GAPVD1: variants seen among roughly 807,000 people sequenced by gnomAD.
GAPVD1 encodes the protein GTPase activating protein and VPS9 domains 1.
In GAPVD1, 35 loss-of-function variants were observed where a neutral mutation model predicts 155.5. The ratio of observed to expected loss-of-function variants is 0.23; its 90% CI spans 0.17 to 0.30. The LOEUF (loss-of-function observed/expected upper bound fraction) is 0.30. Among genes scored for constraint, GAPVD1 ranks in the 10% least tolerant of loss-of-function variants. The pLI, the probability that GAPVD1 is intolerant of heterozygous loss-of-function variation, is 1.00. For missense variants in GAPVD1, 1,429 were observed against 1,775.7 expected (o/e 0.80, Z 3.51); for synonymous variants, 636 against 619.7 (o/e 1.03, Z -0.39).
At chr9:125,293,880 A>AAATATATTTTATATATT (rs1564312137) in intron 2 of GAPVD1, among the ~76,000 whole-genome samples, 1 of 20,396 alleles carries the variant, frequency 4.9e-5, no homozygotes, top group African/African-American at 2.1e-4. Flanking sequence ...ATATATATAT[A>AAATATATTTTATATATT]TATATATATA....
intron 9 of GAPVD1, among the ~76,000 whole-genome samples, chr9:125,320,983 T>A (rs1393773835): frequency 6.6e-6 from 1 of 152,220 alleles, no homozygotes; most frequent in African/African-American, 2.4e-5. Context: ...ACAACTGTTT[T>A]ATGTGCATCT....
chr9:125,300,212 C>A (rs10986693), intron 4 of GAPVD1, among the ~76,000 whole-genome samples: 2 of 143,838 alleles, frequency 1.4e-5, no homozygotes, highest in African/African-American at 5.1e-5. Flanking sequence ...GTTGGAGTCT[C>A]GCTCTGTCCC....
intron 2 of GAPVD1, among the ~76,000 whole-genome samples, chr9:125,293,864 A>ATATT (rs1564311241): frequency 6.8e-5 from 1 of 14,728 alleles, no homozygotes; most frequent in Non-Finnish European, 1.0e-4. Context: ...ATATATATAT[A>ATATT]TATATATATA....
Position 125,362,813 on chromosome 9 carries a change from C to T in GAPVD1, c.*67C>T, listed in dbSNP as rs377552358. ...CAAACAGATCTCTGAGAAGGTGCATCAGCTGCTTTGAAGGCTGAAGATTGT... is the reference window on the plus strand; with the variant it reads ...CAAACAGATCTCTGAGAAGGTGCATTAGCTGCTTTGAAGGCTGAAGATTGT... On this transcript the variant is annotated 3_prime_UTR_variant, in exon 28 of 28. Transcript: ENST00000297933. The T allele has an allele frequency of 2.7e-6, 4 of 1,458,498 alleles. No homozygotes were observed. The highest frequency in any genetic ancestry group is 1.4e-5 in the African/African-American group (1 of 71,708). The allele number at this position is 1,458,498 out of a possible 1,614,324, so 90.3% of individuals were successfully genotyped here. A position where few individuals can be genotyped will look rare whatever the true frequency, so the allele number is the denominator to read the frequency against.
chr9:125,319,616 T>C (rs541734283), intron 9 of GAPVD1, among the ~76,000 whole-genome samples: 1 of 150,362 alleles, frequency 6.7e-6, no homozygotes, highest in South Asian at 2.1e-4. Context: ...TTTTTTTTTT[T>C]TTTGAGATGC....
chr9:125,361,473 GAGA>G (rs1850906028), intron 27 of GAPVD1, among the ~76,000 whole-genome samples: 1 of 150,410 alleles, frequency 6.6e-6, no homozygotes, highest in Non-Finnish European at 1.5e-5. Context: ...GTAGTGAGCC[GAGA>G]TCACACTGCT....
At position 125,332,649 on chromosome 9, in the gene GAPVD1, A is replaced by T. The variant is rs1846254796; in HGVS notation, c.2428+20A>T. The T allele has an allele frequency of 6.2e-7, 1 of 1,600,644 alleles. No individual in the cohort carries two copies. Among genetic ancestry groups the T allele is most frequent in the Non-Finnish European group, 8.5e-7 (1 of 1,173,836 alleles). ...CTCACGGTAAGAGGGGGAAATGAGG[A>T]TGACTTAAAAAATGACCACATCCGT... On this transcript the variant is annotated intron_variant, in intron 15 of 27. Coordinates refer to ENST00000297933, the MANE Select transcript of GAPVD1 (RefSeq NM_001282680.3).
At chr9:125,284,122 C>T (rs887218000) in intron 2 of GAPVD1, among the ~76,000 whole-genome samples, 55 of 151,376 alleles carry the variant, frequency 3.6e-4, no homozygotes, top group African/African-American at 1.3e-3. Context: ...GTGATCCACC[C>T]GCCTTGGCCT....
At chr9:125,328,285 G>A (rs1157868152) in intron 12 of GAPVD1, among the ~76,000 whole-genome samples, 1 of 137,952 alleles carries the variant, frequency 7.2e-6, no homozygotes, top group African/African-American at 2.8e-5. Flanking sequence ...ATAGTGGAGG[G>A]AAGGTCAGCA....
At chr9:125,322,465 A>G (rs1844473394) in intron 10 of GAPVD1, among the ~76,000 whole-genome samples, 1 of 152,310 alleles carries the variant, frequency 6.6e-6, no homozygotes, top group African/African-American at 2.4e-5. Flanking sequence ...TTTTCCAAAA[A>G]AATGACATGT....
chr9:125,296,725 G>A (rs1031206514), intron 3 of GAPVD1, among the ~76,000 whole-genome samples: 5 of 146,544 alleles, frequency 3.4e-5, no homozygotes, highest in South Asian at 4.3e-4. Flanking sequence ...GCAGTGGTGC[G>A]ATTTCAGCTC....
chr9:125,290,914 CTGGGGAGGTCAAGGCTGCATTGAGCCG>C (rs1838481173), intron 2 of GAPVD1, among the ~76,000 whole-genome samples: 1 of 150,200 alleles, frequency 6.7e-6, no homozygotes. Context: ...ATTGCTTGAG[CTGGGGAGGTCAAGGCTGCATTGAGCCG>C]TGATCACATT....
chr9:125,262,610 T>G (rs1461628861), intron 1 of GAPVD1, among the ~76,000 whole-genome samples: 1 of 152,056 alleles, frequency 6.6e-6, no homozygotes, highest in African/African-American at 2.4e-5. Context: ...CAGGGAGACA[T>G]AGTGATAGGT....
chr9:125,310,131 T>C (rs1842452092), intron 8 of GAPVD1: 1 of 237,702 alleles, frequency 4.2e-6, no homozygotes, highest in Non-Finnish European at 9.1e-6. Context: ...ATTTGATTGC[T>C]TGCATTTTTA....
chr9:125,303,962 C>T (rs916720202), intron 5 of GAPVD1: 12 of 151,982 alleles, frequency 7.9e-5, no homozygotes, highest in African/African-American at 2.2e-4. Context: ...CATCCTTGCA[C>T]AGGTGCCATG....
intron 19 of GAPVD1, among the ~76,000 whole-genome samples, chr9:125,345,307 A>T (rs1848370186): frequency 6.6e-6 from 1 of 151,516 alleles, no homozygotes; most frequent in East Asian, 1.9e-4. Flanking sequence ...CAGCCTCCCG[A>T]GTAGCTGGGA....
At chr9:125,325,092 G>A (rs919150976) in intron 11 of GAPVD1, among the ~76,000 whole-genome samples, 1 of 152,022 alleles carries the variant, frequency 6.6e-6, no homozygotes, top group African/African-American at 2.4e-5. Flanking sequence ...AGGTGAGGTG[G>A]TGAGCACCTG....
At chr9:125,348,965 C>G (rs188813716) in intron 20 of GAPVD1, among the ~76,000 whole-genome samples, 185 of 152,306 alleles carry the variant, frequency 1.2e-3, no homozygotes, top group African/African-American at 4.1e-3. Flanking sequence ...CAACCTTGGC[C>G]ATTGGCCAAC....
chr9:125,283,495 A>C (rs1837139622), intron 2 of GAPVD1, among the ~76,000 whole-genome samples: 1 of 152,030 alleles, frequency 6.6e-6, no homozygotes, highest in African/African-American at 2.4e-5. Context: ...AATAGCTGAC[A>C]CCACAGGCGT....
Sources: gnomAD v4.1 joint callset for allele counts (sites outside exome capture counted in the v4.1 genomes callset) on GRCh38, gnomAD v4.1.1 for gene constraint, MANE v1.5 for transcripts, NCBI Gene and HGNC (gene_info 2026-07-23, HGNC 2026-07-21) for gene names.